QRICH1: variants seen among roughly 807,000 people sequenced by gnomAD.
The protein encoded by QRICH1 is transcriptional regulator QRICH1.
In QRICH1, 16 loss-of-function variants were observed where a neutral mutation model predicts 87.1. The observed-to-expected ratio is 0.18, with a 90% CI of 0.12 to 0.28. QRICH1 has a LOEUF of 0.28. QRICH1 is among the 10% of genes least tolerant of loss of function. The probability of loss-of-function intolerance (pLI) is 1.00; values close to 1 mark genes in which losing one functional copy is unlikely to be tolerated. For missense variants in QRICH1, 647 were observed against 951.7 expected (o/e 0.68, Z 4.21); for synonymous variants, 367 against 368.4 (o/e 1.00, Z 0.05).
intron 3 of QRICH1, among the ~76,000 whole-genome samples, chr3:49,052,420 G>A (rs779449990): frequency 4.6e-5 from 7 of 152,160 alleles, no homozygotes; most frequent in Admixed American, 1.3e-4. Flanking sequence ...AGGCATGGCC[G>A]AGAGACTTAT....
At chr3:49,089,613 G>A (rs1268543389) in intron 1 of QRICH1, among the ~76,000 whole-genome samples, 1 of 152,154 alleles carries the variant, frequency 6.6e-6, no homozygotes, top group Non-Finnish European at 1.5e-5. Context: ...TAGTGGAATA[G>A]ATAAATACCT....
At chr3:49,064,055 C>T (rs1024786333) in intron 2 of QRICH1, among the ~76,000 whole-genome samples, 7 of 151,504 alleles carry the variant, frequency 4.6e-5, no homozygotes, top group Non-Finnish European at 7.4e-5. Context: ...TACAGGCATG[C>T]GCCACCATGC....
At chr3:49,058,789 C>A (rs1051715147) in intron 2 of QRICH1, among the ~76,000 whole-genome samples, 6 of 151,812 alleles carry the variant, frequency 4.0e-5, no homozygotes, top group African/African-American at 1.5e-4. Context: ...TCACCATGCC[C>A]AGCTGATTTT....
In QRICH1 at chr3:49,049,450, A is replaced by G. The variant is rs1031767077; in HGVS notation, c.1339-2204T>C. On this transcript the variant is annotated intron_variant, in intron 3 of 9. Coordinates refer to ENST00000395443, the MANE Select transcript of QRICH1 (RefSeq NM_198880.3). ...ACACAGAAAGATTCTGGCTCAAAAA[A>G]TAAAAATAAAAAAGTGAATGTTTGA... Among the ~76,000 whole-genome samples, 8 of 152,178 alleles carry G rather than the reference A, an allele frequency of 5.3e-5. No individual in the cohort carries two copies. In the East Asian group the frequency reaches 1.6e-3, roughly 30 times the overall value.
intron 5 of QRICH1, among the ~76,000 whole-genome samples, chr3:49,045,060 C>CA (rs1347899645): frequency 3.3e-5 from 5 of 152,078 alleles, no homozygotes; most frequent in African/African-American, 1.2e-4. Flanking sequence ...GGTTTCTCCT[C>CA]AAGAGCCTTC....
chr3:49,045,008 A>G (rs2093330951), intron 5 of QRICH1, among the ~76,000 whole-genome samples: 1 of 152,146 alleles, frequency 6.6e-6, no homozygotes, highest in Admixed American at 6.6e-5. Flanking sequence ...ACTAGGCAAC[A>G]GAATAAGTCC....
intron 3 of QRICH1, 42 bp downstream of exon 3, chr3:49,056,820 G>T: frequency 6.2e-7 from 1 of 1,613,810 alleles, no homozygotes. Flanking sequence ...ACTGGGCCCT[G>T]AGGGACCAGG....
chr3:49,088,584 T>G (rs1344989974), intron 1 of QRICH1, among the ~76,000 whole-genome samples: 1 of 151,094 alleles, frequency 6.6e-6, no homozygotes, highest in Non-Finnish European at 1.5e-5. Context: ...GTGCTGGGAT[T>G]ACATGCCTGA....
chr3:49,087,305 T>A (rs1409345801), intron 1 of QRICH1, among the ~76,000 whole-genome samples: 1 of 149,978 alleles, frequency 6.7e-6, no homozygotes, highest in South Asian at 2.1e-4. Context: ...ACGCCTATAA[T>A]CCCAGCAGTT....
chr3:49,074,368 C>G (rs1236440237), intron 2 of QRICH1, among the ~76,000 whole-genome samples: 2 of 151,664 alleles, frequency 1.3e-5, no homozygotes, highest in African/African-American at 4.8e-5. Context: ...GTCAGGAGAT[C>G]GAGACCATGC....
At chr3:49,049,533 T>C (rs1021705747) in intron 3 of QRICH1, among the ~76,000 whole-genome samples, 1 of 152,112 alleles carries the variant, frequency 6.6e-6, no homozygotes, top group South Asian at 2.1e-4. Context: ...AGTCTTGCTC[T>C]ACCACCCAGG....
intron 6 of QRICH1, among the ~76,000 whole-genome samples, chr3:49,043,866 A>C (rs368348003): frequency 9.8e-5 from 15 of 152,312 alleles, no homozygotes; most frequent in East Asian, 9.6e-4. Context: ...ATAGCTGAGC[A>C]CAGTAGCGCA....
At chr3:49,051,595 CCT>C (rs1553742525) in intron 3 of QRICH1, among the ~76,000 whole-genome samples, 10 of 138,848 alleles carry the variant, frequency 7.2e-5, no homozygotes, top group South Asian at 2.5e-4. Context: ...CCCCCCCCCC[CCT>C]CCGCTTAATA....
intron 2 of QRICH1, among the ~76,000 whole-genome samples, chr3:49,062,371 GCTT>G (rs1297317082): frequency 7.0e-6 from 1 of 143,368 alleles, no homozygotes; most frequent in Non-Finnish European, 1.5e-5. Context: ...TGGTGTAGTC[GCTT>G]TTTTTTTTTT....
intron 2 of QRICH1, among the ~76,000 whole-genome samples, chr3:49,058,548 A>C (rs2093416344): frequency 6.6e-6 from 1 of 151,826 alleles, no homozygotes; most frequent in Non-Finnish European, 1.5e-5. Flanking sequence ...CTAATCTTGA[A>C]CTCCTGACCT....
chr3:49,086,762 A>G (rs1000826915), intron 1 of QRICH1: 7 of 152,122 alleles, frequency 4.6e-5, no homozygotes, highest in African/African-American at 1.7e-4. Context: ...ATCTTATTGC[A>G]ATCACTGTTT....
intron 3 of QRICH1, among the ~76,000 whole-genome samples, chr3:49,050,923 T>A (rs35108630): frequency 0.076 from 11,489 of 152,126 alleles, 574 homozygotes; most frequent in Non-Finnish European, 0.1. Context: ...CTTTACCTAG[T>A]CAATAAGTAC....
rs532105988 is a variant in QRICH1, at chr3:49,085,791, T to C, written c.-22+8121A>G. ...AAAAAAAGAAAAAGAAACTAAACCA[T>C]AAAATACCAAAAACTTGTACAAAAT... On this transcript the variant is annotated intron_variant, in intron 1 of 9. Coordinates refer to ENST00000395443, the MANE Select transcript of QRICH1 (RefSeq NM_198880.3). Among the ~76,000 whole-genome samples the C allele has an allele frequency of 1.4e-4, 21 of 148,894 alleles. 1 individual carries two copies. Among genetic ancestry groups the C allele is most frequent in the Admixed American group, 1.3e-3 (19 of 14,920 alleles).
chr3:49,062,546 A>C (rs1159466776), intron 2 of QRICH1, among the ~76,000 whole-genome samples: 2 of 151,522 alleles, frequency 1.3e-5, no homozygotes, highest in Admixed American at 1.3e-4. Context: ...TTTTTAGCAC[A>C]GACAGGGTTT....
Sources: allele counts gnomAD v4.1 joint callset (sites outside exome capture counted in the v4.1 genomes callset), GRCh38; gene constraint gnomAD v4.1.1; transcripts MANE v1.5; gene names NCBI Gene and HGNC (gene_info 2026-07-23, HGNC 2026-07-21).